The following CR2 variants were observed in gnomAD, a reference collection of about 807,000 sequenced individuals.
The protein encoded by CR2 is complement receptor type 2.
CR2 carries 96 observed loss-of-function variants against 123.0 expected under a neutral mutation model. That is an observed-to-expected ratio of 0.78 (90% CI 0.66 to 0.93). The LOEUF (loss-of-function observed/expected upper bound fraction) is 0.93. Among genes scored for constraint, CR2 ranks in the 40% least tolerant of loss-of-function variants. The pLI, the probability that CR2 is intolerant of heterozygous loss-of-function variation, is 0.00. For missense variants in CR2, 1,258 were observed against 1,361.0 expected (o/e 0.92, Z 1.19); for synonymous variants, 484 against 469.5 (o/e 1.03, Z -0.40).
intron 16 of CR2, 91 bp downstream of exon 16, chr1:207,478,161 A>G: frequency 7.5e-7 from 1 of 1,326,978 alleles, no homozygotes; most frequent in Non-Finnish European, 1.1e-6. Context: ...CCTGGGTTTT[A>G]AATTGACATA....
intron 1 of CR2, among the ~76,000 whole-genome samples, chr1:207,455,814 G>A (rs572496188): frequency 1.6e-4 from 25 of 152,164 alleles, no homozygotes; most frequent in Non-Finnish European, 3.5e-4. Flanking sequence ...CCAATTCAGG[G>A]CCACAGCAGC....
At chr1:207,469,264 G>A in intron 5 of CR2, 32 bp downstream of exon 5, 3 of 1,527,454 alleles carry the variant, frequency 2.0e-6, no homozygotes, top group Non-Finnish European at 2.7e-6. Flanking sequence ...TGACAGCACT[G>A]CATTCTCAGC....
intron 12 of CR2, 105 bp downstream of exon 12, chr1:207,473,990 T>A: frequency 9.4e-7 from 1 of 1,067,616 alleles, no homozygotes. Context: ...CTCCTCATTG[T>A]CACAGGCATG....
intron 1 of CR2, 24 bp from the exon 2 acceptor site, chr1:207,466,502 C>A: frequency 2.5e-6 from 4 of 1,613,782 alleles, no homozygotes; most frequent in Non-Finnish European, 3.4e-6. Context: ...AGTATGCCTA[C>A]CAAGTTCCTT....
chr1:207,478,151 C>T, intron 16 of CR2, 81 bp downstream of exon 16: 1 of 1,429,502 alleles, frequency 7.0e-7, no homozygotes, highest in Non-Finnish European at 9.7e-7. Flanking sequence ...CGTGGAGAGT[C>T]CTGGGTTTTA....
In CR2 at chr1:207,485,526, C is replaced by A. The variant is rs142273168; in HGVS notation, c.3251C>A (p.Ser1084Tyr). The change falls in exon 19 of 20, where the codon TCT becomes TAT. Residue 1084 changes from serine (S) to tyrosine (Y), a missense_variant. Physicochemically the swap from Ser to Tyr is moderately radical, Grantham distance 144 (BLOSUM62 -2). Transcript: ENST00000367057. ...CATTTAGAAGCACGAGAAGTATATT[C>A]TGTTGATCCATACAACCCAGCCAGC... ...AFHLEAREVY[S>Y]VDPYNPAS is the part of the protein sequence containing the mutation. 6.4e-5 allele frequency: 103 copies of A among 1,612,762 alleles called. No individual in the cohort carries two copies. The African/African-American group carries it at 1.3e-3, about 20-fold the overall frequency.
At chr1:207,482,972 A>C (rs533879211) in intron 18 of CR2, among the ~76,000 whole-genome samples, 1 of 152,128 alleles carries the variant, frequency 6.6e-6, no homozygotes, top group Non-Finnish European at 1.5e-5. Context: ...AAAAAAAAAA[A>C]AACCCTGACA....
chr1:207,489,261 A>G lies in CR2; in HGVS notation c.*138A>G, dbSNP rs367585464. ...ATGATGTCATAAGCGATCACTTCCTATATGCACTTATTCTCAAGAAGAACA... is the reference window on the plus strand; with the variant it reads ...ATGATGTCATAAGCGATCACTTCCTGTATGCACTTATTCTCAAGAAGAACA... On this transcript the variant is annotated 3_prime_UTR_variant, in exon 20 of 20. Coordinates refer to ENST00000367057, the MANE Select transcript of CR2 (RefSeq NM_001006658.3). 3 of 152,186 alleles carry G rather than the reference A, an allele frequency of 2.0e-5. No individual in the cohort carries two copies. The highest frequency in any genetic ancestry group is 1.3e-4 in the Admixed American group (2 of 15,282). 9.4% of individuals were successfully genotyped at this position (152,186 alleles called of 1,614,324 possible).
Position 207,480,359 on chromosome 1 carries a change from G to A in CR2, c.3188+306G>A, listed in dbSNP as rs57555171. On this transcript the variant is annotated intron_variant, in intron 18 of 19. Transcript: ENST00000367057. ...GGTGTATTCGTATCTGATCTTTTTC[G>A]TATATTTTTTCTCTCTTTAAACTGA... Among the ~76,000 whole-genome samples the A allele has an allele frequency of 3.6e-3, 551 of 152,034 alleles. 9 individuals are homozygous for A. The highest frequency in any genetic ancestry group is 0.012 in the African/African-American group (510 of 41,484).
At chr1:207,486,230 CAAAAAAAAAA>C (rs1173937738) in intron 19 of CR2, among the ~76,000 whole-genome samples, 3 of 42,996 alleles carry the variant, frequency 7.0e-5, no homozygotes, top group South Asian at 1.4e-3. Context: ...GACTGCATCT[CAAAAAAAAAA>C]AAAAAAAAAA....
chr1:207,481,948 C>T (rs759000482), intron 18 of CR2, among the ~76,000 whole-genome samples: 27 of 151,758 alleles, frequency 1.8e-4, no homozygotes, highest in Non-Finnish European at 3.5e-4. Flanking sequence ...TAATTTCTAC[C>T]TCATATCTAC....
chr1:207,475,829 G>A (rs540751472), intron 14 of CR2, among the ~76,000 whole-genome samples: 1 of 152,172 alleles, frequency 6.6e-6, no homozygotes, highest in African/African-American at 2.4e-5. Context: ...AGTAACTTGA[G>A]CTGAGCAGTG....
In CR2 at chr1:207,468,533, C is replaced by T. The variant is rs138760137; in HGVS notation, c.452C>T (p.Pro151Leu). 18 of 1,613,756 alleles carry T rather than the reference C, an allele frequency of 1.1e-5. No homozygotes were observed. The highest frequency in any genetic ancestry group is 8.3e-5 in the Admixed American group (5 of 59,946). ...CTGGTATGTGTGTGTAAAGTTTTCC[C>T]TCTCGAGTGTCCAGCACTTCCTATG... is the stretch of plus-strand genomic sequence containing the variant. The part of the protein sequence containing the change: ...TRLPTCVSVF[P>L]LECPALPMIH... The change falls in exon 3 of 20, where the codon CCT (proline) becomes CTT (leucine). Residue 151 changes from proline (P) to leucine (L), a missense_variant. Physicochemically the swap from Pro to Leu is moderately conservative, Grantham distance 98 (BLOSUM62 -3). Transcript: ENST00000367057.
At chr1:207,470,420 G>C (rs926456246) in intron 6 of CR2, among the ~76,000 whole-genome samples, 5 of 152,096 alleles carry the variant, frequency 3.3e-5, no homozygotes, top group African/African-American at 1.2e-4. Context: ...CTCATTCCTA[G>C]GGATATATCA....
rs771109756 is a variant in CR2 at position 207,454,371 on chromosome 1, G to C, written c.-48G>C. 4.6e-6 allele frequency: 7 copies of C among 1,520,238 alleles called. No homozygotes were observed. The South Asian group carries it at 5.9e-5, about 13-fold the overall frequency. The allele number at this position is 1,520,238 out of a possible 1,614,324, so 94.2% of individuals were successfully genotyped here. ...CCTTGCCCTCCCAGAGCTGCCGGAC[G>C]CTCGCGGGTCTCGGAACGCATCCCG... On this transcript the variant is annotated 5_prime_UTR_variant, in exon 1 of 20. Coordinates refer to ENST00000367057, the MANE Select transcript of CR2 (RefSeq NM_001006658.3). The surrounding 1 kb of genome is among the most constrained non-coding windows in gnomAD (Gnocchi z 4.3).
At chr1:207,469,097 G>A in intron 4 of CR2, 53 bp from the exon 5 acceptor site, 2 of 1,511,478 alleles carry the variant, frequency 1.3e-6, no homozygotes, top group Admixed American at 1.7e-5. Flanking sequence ...AGAGGCTGCT[G>A]TTCTTCAGCA....
intron 1 of CR2, among the ~76,000 whole-genome samples, chr1:207,458,331 C>A (rs534906466): frequency 6.6e-6 from 1 of 151,070 alleles, no homozygotes; most frequent in African/African-American, 2.4e-5. Flanking sequence ...GTAAGCAGTT[C>A]GATCCACTCT....
Position 207,454,422 on chromosome 1 carries a change from G to A in CR2, c.4G>A (p.Gly2Ser). Residue 2 changes from glycine to serine, a missense_variant, in exon 1 of 20, where the codon GGC becomes AGC. Physicochemically the swap from Gly to Ser is moderately conservative, Grantham distance 56. Transcript: ENST00000367057. This position sits in a 1 kb window ranked among gnomAD's most constrained non-coding sequence, Gnocchi z 4.3. ...CCGCGGGGGCTTCGGCCGTGGCATG[G>A]GCGCCGCGGGCCTGCTCGGGGTTTT... M[G>S]AAGLLGVFLA... 11 of 1,583,082 alleles carry A rather than the reference G, an allele frequency of 6.9e-6. No individual in the cohort carries two copies. The highest frequency in any genetic ancestry group is 8.5e-6 in the Non-Finnish European group (10 of 1,171,574).
At chr1:207,471,571 G>A in intron 9 of CR2, 72 bp downstream of exon 9, 1 of 1,101,438 alleles carries the variant, frequency 9.1e-7, no homozygotes, top group Admixed American at 1.7e-5. Flanking sequence ...TTTTTGTTTT[G>A]GGACATGTTA....
Sources: gnomAD v4.1 joint callset for allele counts (sites outside exome capture counted in the v4.1 genomes callset) on GRCh38, gnomAD v4.1.1 for gene constraint, Gnocchi (gnomAD v3.1) non-coding constraint, MANE v1.5 for transcripts, NCBI Gene and HGNC (gene_info 2026-07-23, HGNC 2026-07-21) for gene names.